The following DCBLD2 variants were observed in gnomAD, a reference collection of about 807,000 sequenced individuals.
The protein encoded by DCBLD2 is discoidin, CUB and LCCL domain-containing protein 2.
DCBLD2 carries 54 observed loss-of-function variants against 86.8 expected under a neutral mutation model. That is an observed-to-expected ratio of 0.62 (90% CI 0.50 to 0.78). DCBLD2 has a LOEUF of 0.78. Among genes scored for constraint, DCBLD2 ranks in the 30% least tolerant of loss-of-function variants. DCBLD2 has a pLI of 0.00. For synonymous variants in DCBLD2, 354 were observed against 341.3 expected (o/e 1.04, Z -0.41); for missense variants, 908 against 954.2 (o/e 0.95, Z 0.64).
At chr3:98,875,476 T>C (rs1379390500) in intron 2 of DCBLD2, among the ~76,000 whole-genome samples, 1 of 152,102 alleles carries the variant, frequency 6.6e-6, no homozygotes, top group East Asian at 1.9e-4. Context: ...CTCAACATCA[T>C]AAAGTTAATT....
chr3:98,901,327 C>A lies in DCBLD2; in HGVS notation c.-1G>T. ...CTCTCACCACCGCCCGGCTCGCCAT[C>A]GCGGCGGCCGGCAGTCTGCCTGCAT... On this transcript the variant is annotated 5_prime_UTR_variant, in exon 1 of 16. Transcript: ENST00000326840. The A allele has an allele frequency of 7.1e-7, 1 of 1,402,138 alleles. No homozygotes were observed. The highest frequency in any genetic ancestry group is 1.5e-5 in the African/African-American group (1 of 65,650). The allele number at this position is 1,402,138 out of a possible 1,614,324, so 86.9% of individuals were successfully genotyped here. A position where few individuals can be genotyped will look rare whatever the true frequency, so the allele number is the denominator to read the frequency against.
chr3:98,900,891 C>G (rs1466367809), intron 1 of DCBLD2: 24 of 675,512 alleles, frequency 3.6e-5, no homozygotes, highest in Middle Eastern at 4.2e-4. Context: ...TCTCACGTCC[C>G]CCTTTCAGAA....
intron 12 of DCBLD2, among the ~76,000 whole-genome samples, chr3:98,809,730 G>C (rs1941904268): frequency 6.6e-6 from 1 of 152,154 alleles, no homozygotes; most frequent in Non-Finnish European, 1.5e-5. Flanking sequence ...GGTGCCACGG[G>C]CCCCACTGAG....
intron 13 of DCBLD2, among the ~76,000 whole-genome samples, chr3:98,807,137 C>T (rs1312665236): frequency 6.6e-6 from 1 of 152,164 alleles, no homozygotes; most frequent in Non-Finnish European, 1.5e-5. Flanking sequence ...CAGGCCCAGA[C>T]TGAACCTCTA....
intron 3 of DCBLD2, among the ~76,000 whole-genome samples, chr3:98,837,912 G>C (rs1322545120): frequency 2.1e-3 from 200 of 93,654 alleles, no homozygotes; most frequent in African/African-American, 4.6e-3. Context: ...CTGGCCGGGT[G>C]GGGGTGCTGA....
At chr3:98,877,862 T>C (rs1167506165) in intron 2 of DCBLD2, among the ~76,000 whole-genome samples, 1 of 152,088 alleles carries the variant, frequency 6.6e-6, no homozygotes, top group Non-Finnish European at 1.5e-5. Context: ...ACATAGGAGC[T>C]AGCGTGAAGA....
chr3:98,826,604 A>G (rs1268984325), intron 3 of DCBLD2, among the ~76,000 whole-genome samples: 1 of 152,228 alleles, frequency 6.6e-6, no homozygotes, highest in Non-Finnish European at 1.5e-5. Context: ...GTTATAAGCA[A>G]AATCACTCTA....
intron 14 of DCBLD2, chr3:98,801,230 C>A (rs1014083731): frequency 7.9e-6 from 2 of 254,718 alleles, no homozygotes; most frequent in African/African-American, 2.2e-5. Context: ...GGTGAATAAC[C>A]ATGGCAGAGG....
In DCBLD2 at chr3:98,901,424, G is replaced by T; in HGVS notation, c.-98C>A. ...GACCAGGAGACGGCGGCAGCGGCGG[G>T]AGAACAAGAGGCAGCCCTCGCCTCA... On this transcript the variant is annotated 5_prime_UTR_variant, in exon 1 of 16. Transcript: ENST00000326840. 8.4e-7 allele frequency: 1 copy of T among 1,194,624 alleles called. No individual in the cohort carries two copies. Among genetic ancestry groups the T allele is most frequent in the Non-Finnish European group, 1.1e-6 (1 of 951,114 alleles). The allele number at this position is 1,194,624 out of a possible 1,614,324, so 74.0% of individuals were successfully genotyped here. A position where few individuals can be genotyped will look rare whatever the true frequency, so the allele number is the denominator to read the frequency against.
At chr3:98,833,210 G>A (rs758736384) in intron 3 of DCBLD2, among the ~76,000 whole-genome samples, 7 of 151,944 alleles carry the variant, frequency 4.6e-5, no homozygotes, top group South Asian at 2.1e-4. Context: ...TTTCCTCAGC[G>A]TGGTCTATTC....
intron 1 of DCBLD2, among the ~76,000 whole-genome samples, chr3:98,900,079 A>AT (rs1479102421): frequency 3.9e-5 from 6 of 152,268 alleles, no homozygotes; most frequent in Non-Finnish European, 7.4e-5. Flanking sequence ...TGCCAAATAC[A>AT]TTTTTTCCTT....
rs1316824916 is a variant in DCBLD2 at position 98,898,435 on chromosome 3, A to T, written c.205+2687T>A. ...CCTTCAGTTGTCAAATAAAGAAAAA[A>T]AATCTATCAAAGAAACCTTTTTTGC... On this transcript the variant is annotated intron_variant, in intron 1 of 15. Transcript: ENST00000326840. 3.3e-5 allele frequency among the ~76,000 whole-genome samples: 5 copies of T among 151,364 alleles called. No homozygotes were observed. In the East Asian group the frequency reaches 9.6e-4, roughly 29 times the overall value.
chr3:98,898,076 T>C (rs917206448), intron 1 of DCBLD2, among the ~76,000 whole-genome samples: 7 of 152,226 alleles, frequency 4.6e-5, no homozygotes, highest in Admixed American at 3.9e-4. Flanking sequence ...AACTTCTTGA[T>C]ATCCAACTTA....
At chr3:98,809,530 T>A (rs926506262) in intron 12 of DCBLD2, among the ~76,000 whole-genome samples, 1 of 151,898 alleles carries the variant, frequency 6.6e-6, no homozygotes, top group African/African-American at 2.4e-5. Context: ...TACAGATAGG[T>A]TTGTAGGCTC....
At chr3:98,881,254 CA>C (rs1396511949) in intron 2 of DCBLD2, among the ~76,000 whole-genome samples, 8 of 59,790 alleles carry the variant, frequency 1.3e-4, no homozygotes, top group South Asian at 6.1e-4. Context: ...GACTCTGTCT[CA>C]AAAAAAAAAA....
At chr3:98,866,773 T>A (rs1292739357) in intron 2 of DCBLD2, among the ~76,000 whole-genome samples, 3 of 152,242 alleles carry the variant, frequency 2.0e-5, no homozygotes, top group Admixed American at 2.0e-4. Context: ...AGACATGAAG[T>A]CCTTGCCCAT....
intron 3 of DCBLD2, among the ~76,000 whole-genome samples, chr3:98,827,026 T>C (rs1438864416): frequency 6.6e-6 from 1 of 152,202 alleles, no homozygotes; most frequent in Non-Finnish European, 1.5e-5. Flanking sequence ...AACTAAAATG[T>C]GTCTTGAACT....
intron 2 of DCBLD2, among the ~76,000 whole-genome samples, chr3:98,858,623 A>T (rs1288172916): frequency 1.3e-5 from 2 of 152,274 alleles, no homozygotes; most frequent in Non-Finnish European, 2.9e-5. Flanking sequence ...ACACAGAAAG[A>T]GAAAATACCT....
chr3:98,812,256 C>T, intron 10 of DCBLD2, 76 bp downstream of exon 10: 1 of 1,542,602 alleles, frequency 6.5e-7, no homozygotes, highest in African/African-American at 1.4e-5. Flanking sequence ...TTATTAATTA[C>T]TCTCTCTGAG....
Sources: gnomAD v4.1 joint callset for allele counts (sites outside exome capture counted in the v4.1 genomes callset) on GRCh38, gnomAD v4.1.1 for gene constraint, MANE v1.5 for transcripts, NCBI Gene and HGNC (gene_info 2026-07-23, HGNC 2026-07-21) for gene names.